AASDH: variants seen among roughly 807,000 people sequenced by gnomAD.
The protein encoded by AASDH is beta-alanine-activating enzyme.
Under a neutral mutation model 102.3 loss-of-function variants are expected in AASDH, and 81 were observed. The ratio of observed to expected loss-of-function variants is 0.79; its 90% CI spans 0.66 to 0.95. The LOEUF (loss-of-function observed/expected upper bound fraction) is 0.95, where lower values mean the gene tolerates loss of function less well. Ranked by LOEUF, AASDH falls within the 40% of genes least tolerant of loss-of-function variation. The pLI is 0.00. For missense variants in AASDH, 1,203 were observed against 1,266.2 expected (o/e 0.95, Z 0.76); for synonymous variants, 398 against 454.0 (o/e 0.88, Z 1.57).
rs771136467 is a variant in AASDH, at chr4:56,378,173, T to C, written c.643A>G (p.Ile215Val). Residue 215 changes from isoleucine (I) to valine (V), a missense_variant, in exon 4 of 15, where the codon ATA (isoleucine) becomes GTA (valine). By Grantham distance (29) the Ile-to-Val change is conservative. Transcript: ENST00000205214. ...PKIVRVPHKC[I>V]VPNIQHFRVL... ...CGAAAATGCTGGATATTTGGTACTA[T>C]ACACTTATGAGGCACTCTGACAATC... 4 of 1,611,678 alleles carry C rather than the reference T, an allele frequency of 2.5e-6. No homozygotes were observed. Among genetic ancestry groups the C allele is most frequent in the Non-Finnish European group, 2.5e-6 (3 of 1,179,204 alleles).
chr4:56,348,051 T>C (rs1669584714), intron 11 of AASDH, among the ~76,000 whole-genome samples: 2 of 151,510 alleles, frequency 1.3e-5, no homozygotes, highest in Non-Finnish European at 2.9e-5. Context: ...CTCAGGGGGC[T>C]GAGGCAGGAG....
rs770213692 is a variant in AASDH at position 56,378,195 on chromosome 4, A to T, written c.621T>A (p.Ile207=). The T allele has an allele frequency of 6.2e-7, 1 of 1,613,308 alleles. No homozygotes were observed. Among genetic ancestry groups the T allele is most frequent in the Non-Finnish European group, 8.5e-7 (1 of 1,179,762 alleles). Residue 207 remains isoleucine, a synonymous_variant, in exon 4 of 15, where the codon ATT becomes ATA. Transcript: ENST00000205214. Reference sequence around the variant, plus strand: ...CTATACACTTATGAGGCACTCTGACAATCTTCGGTATCCCTGTAGTCCCTG... The same window carrying T: ...CTATACACTTATGAGGCACTCTGACTATCTTCGGTATCCCTGTAGTCCCTG... ...HTSGTTGIPK[I]VRVPHKCIVP...
Position 56,351,470 on chromosome 4 carries a change from G to A in AASDH, c.1577-13C>T. ...ACATCAATTTTGCCTTAATATAAAA[G>A]AGAAATAACAAATGTTTTAAAACAT... On this transcript the variant is annotated splice_polypyrimidine_tract_variant and intron_variant, in intron 9 of 14. Transcript: ENST00000205214. 1 of 1,355,488 alleles carries A rather than the reference G, an allele frequency of 7.4e-7. No individual in the cohort carries two copies. The highest frequency in any genetic ancestry group is 1.0e-6 in the Non-Finnish European group (1 of 966,970). 84.0% of individuals were successfully genotyped at this position (1,355,488 alleles called of 1,614,324 possible). A position where few individuals can be genotyped will look rare whatever the true frequency, so the allele number is the denominator to read the frequency against.
At chr4:56,378,883 T>G (rs942739422) in intron 3 of AASDH, among the ~76,000 whole-genome samples, 1 of 151,710 alleles carries the variant, frequency 6.6e-6, no homozygotes, top group African/African-American at 2.4e-5. Flanking sequence ...CTTTATTTTT[T>G]TATTTATTTT....
intron 5 of AASDH, among the ~76,000 whole-genome samples, chr4:56,358,656 G>T (rs375320204): frequency 2.0e-5 from 3 of 152,058 alleles, no homozygotes; most frequent in East Asian, 3.9e-4. Context: ...ATCATCAATA[G>T]ATTTTTGGAT....
At chr4:56,342,289 G>C (rs1747795777) in intron 14 of AASDH, among the ~76,000 whole-genome samples, 1 of 152,074 alleles carries the variant, frequency 6.6e-6, no homozygotes, top group Non-Finnish European at 1.5e-5. Flanking sequence ...AGCTAAAAGA[G>C]AAGACATGAA....
intron 4 of AASDH, among the ~76,000 whole-genome samples, chr4:56,373,835 T>TC (rs1560608573): frequency 6.6e-6 from 1 of 151,920 alleles, no homozygotes; most frequent in Non-Finnish European, 1.5e-5. Flanking sequence ...GTTCATGTAG[T>TC]TCCATGTAGT....
intron 12 of AASDH, among the ~76,000 whole-genome samples, chr4:56,343,936 T>A (rs1748021021): frequency 1.3e-5 from 2 of 152,302 alleles, no homozygotes; most frequent in South Asian, 4.1e-4. Context: ...CGCACACATC[T>A]GAGAATATGT....
At chr4:56,366,671 C>G (rs1180050725) in intron 5 of AASDH, among the ~76,000 whole-genome samples, 1 of 151,316 alleles carries the variant, frequency 6.6e-6, no homozygotes, top group Non-Finnish European at 1.5e-5. Context: ...AATTCAACAA[C>G]CCTTCATGCT....
At chr4:56,362,144 C>A (rs970704716) in intron 5 of AASDH, among the ~76,000 whole-genome samples, 5 of 152,168 alleles carry the variant, frequency 3.3e-5, no homozygotes, top group African/African-American at 1.2e-4. Flanking sequence ...TCTTTAATTT[C>A]CTCCAAAGCT....
At chr4:56,368,254 C>G (rs1272827357) in intron 5 of AASDH, among the ~76,000 whole-genome samples, 3 of 152,168 alleles carry the variant, frequency 2.0e-5, no homozygotes, top group East Asian at 1.9e-4. Context: ...AATAGGAACA[C>G]TTTTACACTG....
intron 3 of AASDH, among the ~76,000 whole-genome samples, chr4:56,379,321 C>T (rs994132745): frequency 1.5e-4 from 23 of 152,068 alleles, no homozygotes; most frequent in African/African-American, 4.6e-4. Flanking sequence ...TTAGCAGAGA[C>T]GATGTCTCAC....
chr4:56,345,432 A>G (rs1358170143), intron 11 of AASDH, 142 bp from the exon 12 acceptor site: 2 of 738,304 alleles, frequency 2.7e-6, no homozygotes, highest in Admixed American at 6.1e-5. Context: ...CATTTTAGCA[A>G]TGTAAAGCAG....
chr4:56,343,910 G>GGT (rs754344129), intron 12 of AASDH, among the ~76,000 whole-genome samples: 1 of 151,830 alleles, frequency 6.6e-6, no homozygotes, highest in Non-Finnish European at 1.5e-5. Flanking sequence ...TTGGGGTATG[G>GGT]GTGTGTGTGT....
intron 14 of AASDH, 94 bp from the exon 15 acceptor site, chr4:56,338,885 G>C: frequency 4.0e-6 from 5 of 1,243,348 alleles, no homozygotes; most frequent in Non-Finnish European, 5.5e-6. Flanking sequence ...AAATCTAAGA[G>C]ATATAGGCTA....
At chr4:56,383,400 G>A (rs932877241) in intron 2 of AASDH, among the ~76,000 whole-genome samples, 6 of 152,146 alleles carry the variant, frequency 3.9e-5, no homozygotes, top group African/African-American at 1.2e-4. Flanking sequence ...TTACAGGTGT[G>A]AGCCACTGTG....
chr4:56,343,647 G>A lies in AASDH; in HGVS notation c.2690C>T (p.Thr897Ile). Residue 897 changes from threonine to isoleucine, a missense_variant, in exon 13 of 15, where the codon ACT becomes ATT. Transcript: ENST00000205214. Reference protein sequence around the residue: ...KCVWKSKCGGTVFSSPCLNLI... With the variant: ...KCVWKSKCGGIVFSSPCLNLI... ...GTTCAAACACGGAGAGGAAAAGACA[G>A]TTCCTCCACATTTTGACTTCCAAAC... 6.2e-7 allele frequency: 1 copy of A among 1,609,402 alleles called. No individual in the cohort carries two copies. Among genetic ancestry groups the A allele is most frequent in the Non-Finnish European group, 8.5e-7 (1 of 1,177,540 alleles).
intron 5 of AASDH, among the ~76,000 whole-genome samples, chr4:56,367,012 C>T (rs1296234174): frequency 6.6e-6 from 1 of 152,146 alleles, no homozygotes; most frequent in Non-Finnish European, 1.5e-5. Flanking sequence ...TGATAAGCAA[C>T]TTCAGCAAAG....
At chr4:56,346,831 C>T (rs895512387) in intron 11 of AASDH, among the ~76,000 whole-genome samples, 4 of 151,874 alleles carry the variant, frequency 2.6e-5, no homozygotes, top group Non-Finnish European at 4.4e-5. Flanking sequence ...TCGCTTGAGC[C>T]CAGGAGTTTG....
Sources: gnomAD v4.1 joint callset for allele counts (sites outside exome capture counted in the v4.1 genomes callset) on GRCh38, gnomAD v4.1.1 for gene constraint, MANE v1.5 for transcripts, NCBI Gene and HGNC (gene_info 2026-07-23, HGNC 2026-07-21) for gene names.